The following ZC3H18 variants were observed in gnomAD, a reference collection of about 807,000 sequenced individuals.
The protein encoded by ZC3H18 is zinc finger CCCH-type containing 18.
ZC3H18 carries 8 observed loss-of-function variants against 106.1 expected under a neutral mutation model. That is an observed-to-expected ratio of 0.08 (90% confidence interval 0.04 to 0.14). The LOEUF (loss-of-function observed/expected upper bound fraction) is 0.14. Ranked by LOEUF, ZC3H18 falls within the 10% of genes least tolerant of loss-of-function variation. The pLI, the probability that ZC3H18 is intolerant of heterozygous loss-of-function variation, is 1.00. For synonymous variants in ZC3H18, 635 were observed against 522.1 expected (o/e 1.22, Z -2.95); for missense variants, 1,318 against 1,278.4 (o/e 1.03, Z -0.47).
rs1427437717 is a variant in ZC3H18, at chr16:88,631,670, A to G, written c.*371A>G. The G allele has an allele frequency of 4.3e-6, 2 of 469,162 alleles. No homozygotes were observed. The highest frequency in any genetic ancestry group is 8.5e-6 in the Non-Finnish European group (2 of 236,092). The allele number at this position is 469,162 out of a possible 1,614,324, so 29.1% of individuals were successfully genotyped here. A position where few individuals can be genotyped will look rare whatever the true frequency, so the allele number is the denominator to read the frequency against. On this transcript the variant is annotated 3_prime_UTR_variant, in exon 18 of 18. Coordinates refer to ENST00000301011, the MANE Select transcript of ZC3H18 (RefSeq NM_144604.4). ...GTCCCTAGCCCGGGTCCAGGCAGCC[A>G]GGCTCCCTCCTGAGCTGAGAAACGG...
chr16:88,597,672 T>C (rs1266366852), intron 3 of ZC3H18, among the ~76,000 whole-genome samples: 1 of 152,216 alleles, frequency 6.6e-6, no homozygotes, highest in African/African-American at 2.4e-5. Context: ...TATCTTGAAA[T>C]GCCCTGTGAG....
At chr16:88,573,352 AAG>A (rs562832871) in intron 1 of ZC3H18, among the ~76,000 whole-genome samples, 68 of 152,106 alleles carry the variant, frequency 4.5e-4, no homozygotes, top group African/African-American at 1.5e-3. Context: ...ATAGCTAGGC[AAG>A]AGAGAGAATT....
In ZC3H18 at chr16:88,627,537, G is replaced by A; in HGVS notation, c.2109-85G>A. ...GGTACATGATCCATAAATGGACACT[G>A]CGTAAAAGTGGACCATGGAGCACCC... On this transcript the variant is annotated intron_variant, in intron 13 of 17. Coordinates refer to ENST00000301011, the MANE Select transcript of ZC3H18 (RefSeq NM_144604.4). The surrounding 1 kb of genome is among the most constrained non-coding windows in gnomAD (Gnocchi z 4.5). 1.3e-6 allele frequency: 2 copies of A among 1,512,782 alleles called. No homozygotes were observed. The highest frequency in any genetic ancestry group is 1.8e-6 in the Non-Finnish European group (2 of 1,121,828). 93.7% of individuals were successfully genotyped at this position (1,512,782 alleles called of 1,614,324 possible).
chr16:88,616,587 T>C (rs559125816), intron 8 of ZC3H18, among the ~76,000 whole-genome samples: 6 of 152,302 alleles, frequency 3.9e-5, no homozygotes, highest in African/African-American at 1.4e-4. Context: ...GTGCTCCTGC[T>C]TCCTTCTCCC....
intron 2 of ZC3H18, among the ~76,000 whole-genome samples, chr16:88,584,617 G>A (rs1162186347): frequency 6.6e-6 from 1 of 152,140 alleles, no homozygotes. Flanking sequence ...CGGGTGTAGA[G>A]GCTGGGTGAC....
At chr16:88,602,964 CCTT>C (rs1904824248) in intron 6 of ZC3H18, among the ~76,000 whole-genome samples, 3 of 151,962 alleles carry the variant, frequency 2.0e-5, no homozygotes, top group South Asian at 4.2e-4. Flanking sequence ...AATTGTTGTT[CCTT>C]CTTTTTTTTT....
At chr16:88,624,159 A>G in intron 11 of ZC3H18, 97 bp downstream of exon 11, 2 of 1,524,646 alleles carry the variant, frequency 1.3e-6, no homozygotes, top group Admixed American at 3.9e-5. Context: ...GTTTGGGACC[A>G]AAGAGGTGAG....
chr16:88,611,705 C>T (rs535295069), intron 8 of ZC3H18, among the ~76,000 whole-genome samples, 169 bp downstream of exon 8: 5 of 152,342 alleles, frequency 3.3e-5, no homozygotes, highest in African/African-American at 7.2e-5. Flanking sequence ...AGCTCTCCAA[C>T]GCAGGGCCTT....
intron 1 of ZC3H18, among the ~76,000 whole-genome samples, chr16:88,571,020 A>C (rs1914369629): frequency 1.3e-5 from 2 of 152,182 alleles, no homozygotes; most frequent in African/African-American, 4.8e-5. Flanking sequence ...CTTGCTCCGC[A>C]GCTTCAAAGT....
intron 6 of ZC3H18, among the ~76,000 whole-genome samples, chr16:88,605,503 C>T (rs1904969075): frequency 6.6e-6 from 1 of 152,252 alleles, no homozygotes; most frequent in East Asian, 1.9e-4. Context: ...CACCTTGGGT[C>T]TCTGCAGCAA....
At chr16:88,585,034 G>A (rs1567579769) in intron 2 of ZC3H18, among the ~76,000 whole-genome samples, 1 of 152,148 alleles carries the variant, frequency 6.6e-6, no homozygotes. Context: ...ATTTTAGTGT[G>A]GTGCTCATTA....
chr16:88,572,904 C>T (rs1016252644), intron 1 of ZC3H18, among the ~76,000 whole-genome samples: 1 of 151,924 alleles, frequency 6.6e-6, no homozygotes, highest in Admixed American at 6.6e-5. Flanking sequence ...ACTACAGGCA[C>T]GTGCCACCAT....
intron 15 of ZC3H18, among the ~76,000 whole-genome samples, chr16:88,628,381 C>T (rs1475465141): frequency 6.6e-6 from 1 of 152,196 alleles, no homozygotes; most frequent in East Asian, 1.9e-4. Context: ...CCGCCATTCC[C>T]TGCCATGCAG....
At position 88,628,830 on chromosome 16, in the gene ZC3H18, C is replaced by T. The variant is rs1202028528; in HGVS notation, c.2542C>T (p.Arg848Trp). 4 of 1,613,914 alleles carry T rather than the reference C, an allele frequency of 2.5e-6. No homozygotes were observed. The highest frequency in any genetic ancestry group is 3.3e-5 in the Admixed American group (2 of 59,994). The change falls in exon 16 of 18, where the codon CGG becomes TGG. Residue 848 changes from arginine to tryptophan, a missense_variant. Physicochemically the swap from Arg to Trp is moderately radical, Grantham distance 101. Around this residue, in one of 6 missense-constraint regions of ZC3H18, gnomAD observed 848 missense variants for 821.7 expected, o/e 1.03. Transcript: ENST00000301011. Reference sequence around the variant, plus strand: ...CAGGCAGAGCCCTCCTCCAGCCAAGCGGCCCAACACATCCCCAGACCGAGG... The same window carrying T: ...CAGGCAGAGCCCTCCTCCAGCCAAGTGGCCCAACACATCCCCAGACCGAGG... ...KDRQSPPPAKRPNTSPDRGSR... is the reference protein window; with the variant it reads ...KDRQSPPPAKWPNTSPDRGSR...
chr16:88,580,858 G>GTA (rs1355959084), intron 2 of ZC3H18, among the ~76,000 whole-genome samples: 1 of 152,206 alleles, frequency 6.6e-6, no homozygotes, highest in East Asian at 1.9e-4. Flanking sequence ...TTGCTTTCAA[G>GTA]TAGAGCCCTG....
rs377133202 is a variant in ZC3H18 at position 88,631,164 on chromosome 16, C to T, written c.2727C>T (p.Ala909=). 1.6e-4 allele frequency: 256 copies of T among 1,613,498 alleles called. No homozygotes were observed. Among genetic ancestry groups the T allele is most frequent in the Non-Finnish European group, 2.1e-4 (246 of 1,180,036 alleles). Residue 909 remains alanine (A), a synonymous_variant, in exon 18 of 18, where the codon GCC becomes GCT. Coordinates refer to ENST00000301011, the MANE Select transcript of ZC3H18 (RefSeq NM_144604.4). ...SSKVTSVPGK[A]SDPGAASTKS... ...AGGTCACGAGCGTGCCCGGCAAAGC[C>T]TCGGATCCCGGCGCCGCCAGCACCA...
chr16:88,575,463 T>G (rs1914690140), intron 1 of ZC3H18, among the ~76,000 whole-genome samples: 1 of 152,022 alleles, frequency 6.6e-6, no homozygotes, highest in Non-Finnish European at 1.5e-5. Context: ...GACCTGGCAC[T>G]GTCCCTGCTG....
intron 6 of ZC3H18, among the ~76,000 whole-genome samples, chr16:88,602,616 A>T (rs188366046): frequency 1.7e-4 from 26 of 152,220 alleles, no homozygotes; most frequent in African/African-American, 6.3e-4. Context: ...CATTGATTGT[A>T]AGTAATTCCA....
At chr16:88,599,379 TTCC>T (rs1037532196) in intron 5 of ZC3H18, among the ~76,000 whole-genome samples, 4 of 152,222 alleles carry the variant, frequency 2.6e-5, no homozygotes, top group African/African-American at 9.6e-5. Flanking sequence ...CCAGCCCCAC[TTCC>T]TCATTTTCCT....
Sources: allele counts gnomAD v4.1 joint callset (sites outside exome capture counted in the v4.1 genomes callset), GRCh38; gene constraint gnomAD v4.1.1; regional missense constraint gnomAD v4.1.1; non-coding constraint Gnocchi (gnomAD v3.1); transcripts MANE v1.5; gene names NCBI Gene and HGNC (gene_info 2026-07-23, HGNC 2026-07-21).